Variants in GRM3 observed in about 807,000 individuals in gnomAD.
GRM3 encodes the protein metabotropic glutamate receptor 3.
Under a neutral mutation model 70.5 loss-of-function variants are expected in GRM3, and 26 were observed. The observed-to-expected ratio is 0.37, with a 90% CI of 0.27 to 0.51. The LOEUF (loss-of-function observed/expected upper bound fraction) is 0.51. Among genes scored for constraint, GRM3 ranks in the 20% least tolerant of loss-of-function variants. GRM3 has a pLI of 0.93. For missense variants in GRM3, 859 were observed against 1,123.8 expected, an observed-to-expected ratio of 0.76 and a Z score of 3.37; for synonymous variants, 443 against 434.9, an observed-to-expected ratio of 1.02 and a Z score of -0.23.
At chr7:86,832,922 C>G (rs73382326) in intron 3 of GRM3, 68,699 of 616,868 alleles carry the variant, frequency 0.11, 3,932 homozygotes, top group African/African-American at 0.15. Flanking sequence ...TTGAAGCACC[C>G]GAGTGATGAG....
chr7:86,688,149 C>CA (rs1488750751), intron 1 of GRM3, among the ~76,000 whole-genome samples: 1 of 151,196 alleles, frequency 6.6e-6, no homozygotes, highest in Non-Finnish European at 1.5e-5. Flanking sequence ...AATTACACCT[C>CA]AAAACTGAAA....
intron 5 of GRM3, among the ~76,000 whole-genome samples, chr7:86,863,460 G>A (rs2115628250): frequency 6.6e-6 from 1 of 152,254 alleles, no homozygotes; most frequent in African/African-American, 2.4e-5. Context: ...TGAAAGGAAA[G>A]CATCAGCAGG....
intron 5 of GRM3, among the ~76,000 whole-genome samples, chr7:86,862,413 T>C (rs1201616244): frequency 1.3e-5 from 2 of 152,172 alleles, no homozygotes; most frequent in East Asian, 3.8e-4. Context: ...AGCCCTCACA[T>C]TTGGAATTAT....
At chr7:86,769,802 T>C (rs938202527) in intron 2 of GRM3, among the ~76,000 whole-genome samples, 1 of 152,170 alleles carries the variant, frequency 6.6e-6, no homozygotes, top group Non-Finnish European at 1.5e-5. Context: ...AACAACAGTA[T>C]TGATTTCTTA....
chr7:86,681,472 G>T (rs1011873311), intron 1 of GRM3, among the ~76,000 whole-genome samples: 6 of 152,074 alleles, frequency 3.9e-5, no homozygotes, highest in Non-Finnish European at 5.9e-5. Context: ...CATTAACTGT[G>T]TCCTAGCATT....
intron 2 of GRM3, among the ~76,000 whole-genome samples, chr7:86,772,933 ACTAGG>A (rs1195117933): frequency 6.6e-6 from 1 of 152,070 alleles, no homozygotes; most frequent in Admixed American, 6.6e-5. Flanking sequence ...GTGCAGACTG[ACTAGG>A]ATTCACTTAA....
intron 1 of GRM3, among the ~76,000 whole-genome samples, chr7:86,662,829 C>T (rs932469265): frequency 6.6e-6 from 1 of 151,854 alleles, no homozygotes; most frequent in Non-Finnish European, 1.5e-5. Context: ...ATCAGCATAC[C>T]TAACCCCAAA....
intron 3 of GRM3, among the ~76,000 whole-genome samples, chr7:86,796,233 T>C (rs891002805): frequency 2.6e-5 from 4 of 152,214 alleles, no homozygotes; most frequent in Admixed American, 6.5e-5. Flanking sequence ...TTGAGTTAAT[T>C]TTTGTATAAG....
chr7:86,661,767 T>G (rs192264863), intron 1 of GRM3, among the ~76,000 whole-genome samples: 15 of 152,010 alleles, frequency 9.9e-5, no homozygotes, highest in Admixed American at 3.9e-4. Flanking sequence ...AATTGCAAGA[T>G]GTGTTTTTTA....
At chr7:86,723,359 C>G (rs926321444) in intron 1 of GRM3, among the ~76,000 whole-genome samples, 4 of 152,078 alleles carry the variant, frequency 2.6e-5, no homozygotes, top group Non-Finnish European at 4.4e-5. Context: ...TGATATTCTT[C>G]TAGTACATAG....
intron 1 of GRM3, among the ~76,000 whole-genome samples, chr7:86,660,947 C>T (rs1307324646): frequency 6.6e-6 from 1 of 151,880 alleles, no homozygotes; most frequent in East Asian, 1.9e-4. Flanking sequence ...TAGCTAGACA[C>T]TGAGTATAGA....
At chr7:86,836,383 C>T (rs563089382) in intron 3 of GRM3, among the ~76,000 whole-genome samples, 1 of 152,172 alleles carries the variant, frequency 6.6e-6, no homozygotes, top group South Asian at 2.1e-4. Context: ...ATTTAAGTAG[C>T]TTGGTACTTA....
At chr7:86,745,237 C>A (rs1184753541) in intron 1 of GRM3, among the ~76,000 whole-genome samples, 1 of 152,050 alleles carries the variant, frequency 6.6e-6, no homozygotes, top group Admixed American at 6.6e-5. Context: ...GCACATGTGC[C>A]AGAAACCCCT....
chr7:86,762,351 A>T (rs1796499721), intron 1 of GRM3, among the ~76,000 whole-genome samples: 1 of 152,146 alleles, frequency 6.6e-6, no homozygotes, highest in Non-Finnish European at 1.5e-5. Flanking sequence ...ACAAACAGAC[A>T]AAACATACCC....
intron 2 of GRM3, among the ~76,000 whole-genome samples, chr7:86,772,290 G>C (rs1358070574): frequency 6.6e-6 from 1 of 152,040 alleles, no homozygotes; most frequent in Non-Finnish European, 1.5e-5. Context: ...ATCTTTATGG[G>C]AATCTTGGAT....
intron 1 of GRM3, among the ~76,000 whole-genome samples, chr7:86,670,295 C>T (rs2115898240): frequency 6.6e-6 from 1 of 152,312 alleles, no homozygotes; most frequent in Non-Finnish European, 1.5e-5. Context: ...TCAAGATAAA[C>T]TCAGTCAGGA....
chr7:86,813,028 T>C (rs79356507), intron 3 of GRM3, among the ~76,000 whole-genome samples: 8,128 of 151,848 alleles, frequency 0.054, 695 homozygotes, highest in African/African-American at 0.18. Flanking sequence ...GAGAATGATG[T>C]CTAGTCACAG....
chr7:86,772,924 T>G (rs894372881), intron 2 of GRM3, among the ~76,000 whole-genome samples: 1 of 152,128 alleles, frequency 6.6e-6, no homozygotes, highest in Admixed American at 6.6e-5. Context: ...TAAAACTCTG[T>G]GCAGACTGAC....
At chr7:86,695,555 C>A (rs545201908) in intron 1 of GRM3, among the ~76,000 whole-genome samples, 1 of 152,136 alleles carries the variant, frequency 6.6e-6, no homozygotes, top group East Asian at 1.9e-4. Flanking sequence ...GAAAGCTGAG[C>A]TTTTGCGTCA....
Sources: allele counts gnomAD v4.1 joint callset (sites outside exome capture counted in the v4.1 genomes callset), GRCh38; gene constraint gnomAD v4.1.1; transcripts MANE v1.5; gene names NCBI Gene and HGNC (gene_info 2026-07-23, HGNC 2026-07-21).